Variants in SORL1 observed in about 807,000 individuals in gnomAD.
The protein encoded by SORL1 is sortilin-related receptor.
A neutral mutation model predicts 273.7 loss-of-function variants in SORL1; 127 were observed. The ratio of observed to expected loss-of-function variants is 0.46; its 90% CI spans 0.40 to 0.54. The LOEUF is 0.54. Ranked by LOEUF, SORL1 falls within the 20% of genes least tolerant of loss-of-function variation. SORL1 has a pLI of 0.00. For missense variants in SORL1, 2,494 were observed against 2,846.1 expected (o/e 0.88, Z 2.81); for synonymous variants, 1,031 against 1,067.4 (o/e 0.97, Z 0.66).
At chr11:121,538,279 A>T (rs571733673) in intron 12 of SORL1, among the ~76,000 whole-genome samples, 1 of 152,048 alleles carries the variant, frequency 6.6e-6, no homozygotes, top group Non-Finnish European at 1.5e-5. Context: ...GCATGTCAAG[A>T]TGTAGAGTAT....
At chr11:121,578,556 G>A (rs922614845) in intron 25 of SORL1, among the ~76,000 whole-genome samples, 21 of 152,222 alleles carry the variant, frequency 1.4e-4, no homozygotes, top group Admixed American at 9.2e-4. Flanking sequence ...CCCACGGAGA[G>A]AGATGACCTC....
Position 121,632,015 on chromosome 11 carries a change from G to C in SORL1, c.*2452G>C, listed in dbSNP as rs781714676. On this transcript the variant is annotated 3_prime_UTR_variant, in exon 48 of 48. Coordinates refer to ENST00000260197, the MANE Select transcript of SORL1 (RefSeq NM_003105.6). ...ATGAAAACAAATGCCTTGTACTACA[G>C]GCAGCCTCTGAAGGTGACCACATAA... is the stretch of plus-strand genomic sequence containing the variant. 4 of 152,168 alleles carry C rather than the reference G, an allele frequency of 2.6e-5. No homozygotes were observed. Among genetic ancestry groups the C allele is most frequent in the Admixed American group, 6.5e-5 (1 of 15,272 alleles). 9.4% of individuals were successfully genotyped at this position (152,168 alleles called of 1,614,324 possible). A position where few individuals can be genotyped will look rare whatever the true frequency, so the allele number is the denominator to read the frequency against.
At position 121,514,282 on chromosome 11, in the gene SORL1, A is replaced by G. The variant is rs139710266; in HGVS notation, c.1172A>G (p.Tyr391Cys). 3.0e-5 allele frequency: 48 copies of G among 1,614,084 alleles called. No individual in the cohort carries two copies. Among genetic ancestry groups the G allele is most frequent in the Non-Finnish European group, 3.8e-5 (45 of 1,180,038 alleles). ...TCCCTGTCCTTGGAGAACGTGCTCT[A>G]TTACAGCCCAGGAGGGGCCGGCAGT... ...KFSLSLENVL[Y>C]YSPGGAGSDT... Residue 391 changes from tyrosine to cysteine, a missense_variant, in exon 8 of 48, where the codon TAT becomes TGT. Tyr to Cys is a radical substitution (Grantham distance 194). Coordinates refer to ENST00000260197, the MANE Select transcript of SORL1 (RefSeq NM_003105.6).
intron 2 of SORL1, among the ~76,000 whole-genome samples, chr11:121,474,817 G>A (rs961175122): frequency 1.3e-5 from 2 of 152,248 alleles, no homozygotes; most frequent in Non-Finnish European, 2.9e-5. Context: ...AAGTCGGGGT[G>A]GAGCCACCAA....
intron 29 of SORL1, 149 bp downstream of exon 29, chr11:121,589,539 G>A (rs1863176896): frequency 3.1e-6 from 3 of 983,530 alleles, no homozygotes; most frequent in Middle Eastern, 2.9e-4. Context: ...ATACTCATAC[G>A]AGTTGAGTCT....
intron 2 of SORL1, among the ~76,000 whole-genome samples, chr11:121,474,431 G>GTACAT (rs1240408553): frequency 6.6e-6 from 1 of 152,172 alleles, no homozygotes; most frequent in Non-Finnish European, 1.5e-5. Flanking sequence ...GATGTTTTCT[G>GTACAT]TACATTTTAG....
chr11:121,487,381 A>T (rs1861490936), intron 3 of SORL1, among the ~76,000 whole-genome samples: 1 of 152,182 alleles, frequency 6.6e-6, no homozygotes, highest in Non-Finnish European at 1.5e-5. Context: ...AATTGTTCAG[A>T]TTCACTCATC....
At position 121,488,056 on chromosome 11, in the gene SORL1, C is replaced by A. The variant is rs1274219525; in HGVS notation, c.553C>A (p.Gln185Lys). Residue 185 changes from glutamine to lysine, a missense_variant, in exon 4 of 48, where the codon CAG becomes AAG. Gln to Lys is a moderately conservative substitution (Grantham distance 53, BLOSUM62 1). Transcript: ENST00000260197. The stretch of plus-strand genomic sequence containing the variant: ...GTACATCTTTGCAGACGCTTATGCC[C>A]AGTACCTCTGGATCACGTTTGACTT... ...KRYIFADAYA[Q>K]YLWITFDFCN... 1 of 1,614,160 alleles carries A rather than the reference C, an allele frequency of 6.2e-7. No homozygotes were observed. The highest frequency in any genetic ancestry group is 8.5e-7 in the Non-Finnish European group (1 of 1,180,018).
chr11:121,616,258 T>A (rs1863638807), intron 41 of SORL1, among the ~76,000 whole-genome samples: 2 of 152,230 alleles, frequency 1.3e-5, no homozygotes, highest in Admixed American at 6.5e-5. Flanking sequence ...GGAGGCTTCC[T>A]GCACCTCATC....
intron 23 of SORL1, among the ~76,000 whole-genome samples, chr11:121,573,569 C>A (rs894982495): frequency 6.6e-6 from 1 of 152,124 alleles, no homozygotes; most frequent in African/African-American, 2.4e-5. Flanking sequence ...GCCGAGATTG[C>A]GCCACTGCAC....
chr11:121,584,967 T>A (rs1863072899), intron 26 of SORL1, among the ~76,000 whole-genome samples: 1 of 152,198 alleles, frequency 6.6e-6, no homozygotes, highest in South Asian at 2.1e-4. Context: ...TACTAAAGAT[T>A]CTGATCAAGA....
intron 40 of SORL1, 53 bp from the exon 41 acceptor site, chr11:121,614,818 C>A (rs1863615910): frequency 1.3e-6 from 2 of 1,485,848 alleles, no homozygotes. Flanking sequence ...AAGACACGTT[C>A]TTGACTAACA....
At chr11:121,507,496 G>A (rs537093052) in intron 6 of SORL1, among the ~76,000 whole-genome samples, 1 of 152,062 alleles carries the variant, frequency 6.6e-6, no homozygotes, top group South Asian at 2.1e-4. Context: ...CATCACAATT[G>A]ACATGTCTTA....
At chr11:121,523,802 C>T (rs550469) in intron 11 of SORL1, among the ~76,000 whole-genome samples, 57,165 of 151,910 alleles carry the variant, frequency 0.38, 11,287 homozygotes, top group East Asian at 0.54. Flanking sequence ...GCTGGGCAGC[C>T]GGAACAGCAC....
intron 45 of SORL1, 73 bp downstream of exon 45, chr11:121,622,341 C>G: frequency 1.2e-6 from 1 of 806,528 alleles, no homozygotes; most frequent in Non-Finnish European, 2.1e-6. Context: ...AGCTTGTTGA[C>G]AGCATGCTGG....
intron 21 of SORL1, 156 bp from the exon 22 acceptor site, chr11:121,566,784 G>A: frequency 3.0e-6 from 2 of 656,728 alleles, no homozygotes; most frequent in Non-Finnish European, 5.1e-6. Context: ...GAAGTTTTCA[G>A]CACAGTAGGC....
At chr11:121,607,133 A>G in intron 36 of SORL1, 53 bp from the exon 37 acceptor site, 1 of 1,199,506 alleles carries the variant, frequency 8.3e-7, no homozygotes, top group Non-Finnish European at 1.2e-6. Context: ...AGATATTAGG[A>G]TGCCCTGGAC....
chr11:121,507,794 C>T (rs910866729), intron 6 of SORL1, among the ~76,000 whole-genome samples: 2 of 151,890 alleles, frequency 1.3e-5, no homozygotes, highest in Admixed American at 6.6e-5. Flanking sequence ...TTTCTACTGA[C>T]TACTCTTTTT....
At chr11:121,540,668 G>A (rs1226791640) in intron 12 of SORL1, among the ~76,000 whole-genome samples, 1 of 152,176 alleles carries the variant, frequency 6.6e-6, no homozygotes, top group African/African-American at 2.4e-5. Flanking sequence ...TAAGACAAGA[G>A]CCTTTTCCCC....
Sources: gnomAD v4.1 joint callset for allele counts (sites outside exome capture counted in the v4.1 genomes callset) on GRCh38, gnomAD v4.1.1 for gene constraint, MANE v1.5 for transcripts, NCBI Gene and HGNC (gene_info 2026-07-23, HGNC 2026-07-21) for gene names.